The following FRYL variants were observed in gnomAD, a reference collection of about 807,000 sequenced individuals.
FRYL encodes the protein protein furry homolog-like.
In FRYL, 150 loss-of-function variants were observed where a neutral mutation model predicts 351.2. The ratio of observed to expected loss-of-function variants is 0.43; its 90% CI spans 0.37 to 0.49. The LOEUF (loss-of-function observed/expected upper bound fraction) is 0.49. Among genes scored for constraint, FRYL ranks in the 20% least tolerant of loss-of-function variants. The pLI is 0.00. For synonymous variants in FRYL, 1,153 were observed against 1,257.1 expected, an observed-to-expected ratio of 0.92 and a Z score of 1.75; for missense variants, 3,036 against 3,619.3, an observed-to-expected ratio of 0.84 and a Z score of 4.13.
At chr4:48,540,278 G>T in intron 46 of FRYL, 75 bp downstream of exon 46, 3 of 1,468,502 alleles carry the variant, frequency 2.0e-6, no homozygotes, top group Non-Finnish European at 2.7e-6. Flanking sequence ...GAAATTAGTA[G>T]ATTTCAAAAC....
At chr4:48,587,001 C>T (rs1419313046) in intron 18 of FRYL, among the ~76,000 whole-genome samples, 5 of 151,618 alleles carry the variant, frequency 3.3e-5, no homozygotes, top group Non-Finnish European at 5.9e-5. Flanking sequence ...AATATTTAAA[C>T]AGATTATTTA....
intron 2 of FRYL, among the ~76,000 whole-genome samples, chr4:48,708,916 T>TTTTTTC (rs1221005843): frequency 2.8e-3 from 4 of 1,414 alleles, no homozygotes; most frequent in African/African-American, 5.9e-3. Flanking sequence ...GTGTGTTTTT[T>TTTTTTC]TTTTTGTTTT....
intron 4 of FRYL, among the ~76,000 whole-genome samples, chr4:48,625,332 C>G (rs1751564048): frequency 6.6e-6 from 1 of 152,086 alleles, no homozygotes. Context: ...CATTCACTAT[C>G]AATGGAAAAA....
At position 48,611,777 on chromosome 4, in the gene FRYL, T is replaced by A. The variant is rs116575145; in HGVS notation, c.412-1954A>T. Reference sequence around the variant, plus strand: ...AATAACTTTTAGTAATATTTTCTAATTTTCTGGTTTTGTGCTTTGACAAAG... The same window carrying A: ...AATAACTTTTAGTAATATTTTCTAAATTTCTGGTTTTGTGCTTTGACAAAG... On this transcript the variant is annotated intron_variant, in intron 7 of 63. Transcript: ENST00000358350. Among the ~76,000 whole-genome samples, 1,096 of 152,282 alleles carry A rather than the reference T, an allele frequency of 7.2e-3. 5 individuals carry two copies. Among genetic ancestry groups the A allele is most frequent in the Non-Finnish European group, 0.01 (713 of 68,008 alleles).
intron 3 of FRYL, among the ~76,000 whole-genome samples, chr4:48,649,869 C>G (rs1453869962): frequency 6.6e-6 from 1 of 152,024 alleles, no homozygotes; most frequent in Non-Finnish European, 1.5e-5. Flanking sequence ...ATACAAAGCA[C>G]GCAAATGCAT....
chr4:48,603,533 C>T (rs1746108625), intron 11 of FRYL, 145 bp from the exon 12 acceptor site: 2 of 630,044 alleles, frequency 3.2e-6, no homozygotes, highest in Non-Finnish European at 5.6e-6. Context: ...GCCAAGTGAC[C>T]AAATGTTAAG....
chr4:48,637,520 T>C (rs1754476753), intron 3 of FRYL: 1 of 152,116 alleles, frequency 6.6e-6, no homozygotes, highest in Non-Finnish European at 1.5e-5. Flanking sequence ...TATGTAAGCC[T>C]ATGAGAGAAG....
Position 48,541,582 on chromosome 4 carries a change from C to A in FRYL, c.5687+445G>T, listed in dbSNP as rs533685283. Among the ~76,000 whole-genome samples the A allele has an allele frequency of 1.8e-4, 27 of 152,238 alleles. 1 individual carries two copies. The East Asian group carries it at 4.6e-3, about 26-fold the overall frequency. Reference sequence around the variant, plus strand: ...CCAAAGGATGGAATAATTAGCACTACCCTGAAGGAGTTAGAAATGCTTAGC... The same window carrying A: ...CCAAAGGATGGAATAATTAGCACTAACCTGAAGGAGTTAGAAATGCTTAGC... On this transcript the variant is annotated intron_variant, in intron 45 of 63. Transcript: ENST00000358350.
At chr4:48,511,075 A>G in intron 57 of FRYL, 91 bp from the exon 58 acceptor site, 1 of 709,008 alleles carries the variant, frequency 1.4e-6, no homozygotes, top group Non-Finnish European at 2.3e-6. Flanking sequence ...GTAGACTTTT[A>G]TTTTAAAATT....
intron 3 of FRYL, among the ~76,000 whole-genome samples, chr4:48,648,792 G>C (rs1431810742): frequency 6.6e-6 from 1 of 152,152 alleles, no homozygotes; most frequent in Non-Finnish European, 1.5e-5. Flanking sequence ...ATGATTCCAT[G>C]TATATGAAAT....
intron 1 of FRYL, among the ~76,000 whole-genome samples, chr4:48,748,565 C>T (rs1434967175): frequency 6.6e-6 from 1 of 152,174 alleles, no homozygotes. Flanking sequence ...ATGTTAACTA[C>T]ATCAGTTATC....
intron 19 of FRYL, among the ~76,000 whole-genome samples, chr4:48,583,589 A>G (rs778937638): frequency 3.9e-4 from 59 of 151,980 alleles, no homozygotes; most frequent in Non-Finnish European, 6.5e-4. Context: ...GTAATATTAT[A>G]AATGGTACAT....
intron 3 of FRYL, among the ~76,000 whole-genome samples, chr4:48,664,547 T>G (rs1195922232): frequency 3.3e-5 from 5 of 152,160 alleles, no homozygotes; most frequent in African/African-American, 1.2e-4. Flanking sequence ...TAGAAGGTCA[T>G]GCTGAATGTG....
chr4:48,598,113 T>G (rs189324821), intron 13 of FRYL, among the ~76,000 whole-genome samples: 22 of 152,294 alleles, frequency 1.4e-4, no homozygotes, highest in African/African-American at 5.1e-4. Context: ...CCAAAATCAG[T>G]AAAGCCAGGC....
chr4:48,772,295 A>T (rs1775591776), intron 1 of FRYL, among the ~76,000 whole-genome samples: 1 of 152,124 alleles, frequency 6.6e-6, no homozygotes, highest in South Asian at 2.1e-4. Context: ...AATTCACTTG[A>T]TAGTCACATG....
At chr4:48,554,424 T>C (rs1560593934) in intron 35 of FRYL, among the ~76,000 whole-genome samples, 1 of 152,074 alleles carries the variant, frequency 6.6e-6, no homozygotes, top group Non-Finnish European at 1.5e-5. Context: ...CTGCCACCTC[T>C]GCCTCCCCGG....
intron 1 of FRYL, among the ~76,000 whole-genome samples, chr4:48,713,791 T>C (rs1768406240): frequency 6.6e-6 from 1 of 152,090 alleles, no homozygotes; most frequent in African/African-American, 2.4e-5. Flanking sequence ...TCGACAGAAC[T>C]CTCCACCCCA....
chr4:48,615,275 C>A (rs1353343345), intron 7 of FRYL, among the ~76,000 whole-genome samples: 2 of 152,184 alleles, frequency 1.3e-5, no homozygotes, highest in African/African-American at 4.8e-5. Context: ...GACAAGTCAC[C>A]TCCCATGTGG....
intron 59 of FRYL, among the ~76,000 whole-genome samples, chr4:48,506,942 A>C (rs1407338134): frequency 6.6e-6 from 1 of 152,028 alleles, no homozygotes. Context: ...GATACAGCTG[A>C]TGGCAGCCAT....
Sources: allele counts gnomAD v4.1 joint callset (sites outside exome capture counted in the v4.1 genomes callset), GRCh38; gene constraint gnomAD v4.1.1; transcripts MANE v1.5; gene names NCBI Gene and HGNC (gene_info 2026-07-23, HGNC 2026-07-21).